The following MMP26 variants were observed in gnomAD, a reference collection of about 807,000 sequenced individuals.
MMP26 encodes matrix metalloproteinase-26.
Under a neutral mutation model 31.0 loss-of-function variants are expected in MMP26, and 33 were observed. The observed-to-expected ratio is 1.06, with a 90% CI of 0.81 to 1.42. The LOEUF (loss-of-function observed/expected upper bound fraction) is 1.42, where lower values mean the gene tolerates loss of function less well. Ranked by LOEUF, MMP26 falls within the 40% of genes most tolerant of loss-of-function variation. The pLI, the probability that MMP26 is intolerant of heterozygous loss-of-function variation, is 0.00. For synonymous variants in MMP26, 122 were observed against 114.9 expected (o/e 1.06, Z -0.40); for missense variants, 347 against 316.1 (o/e 1.10, Z -0.74).
intron 2 of MMP26, among the ~76,000 whole-genome samples, chr11:4,921,361 G>A (rs1529775): frequency 0.025 from 3,873 of 152,236 alleles, 171 homozygotes; most frequent in African/African-American, 0.087. Context: ...AGTGGACTAG[G>A]TTGTAAACAT....
At chr11:4,747,575 G>T (rs1039677193) in intron 1 of MMP26, among the ~76,000 whole-genome samples, 7 of 151,932 alleles carry the variant, frequency 4.6e-5, no homozygotes, top group African/African-American at 1.7e-4. Context: ...TCATTAATGA[G>T]AACTTTTTTT....
chr11:4,772,746 C>A (rs1358919117), intron 2 of MMP26, among the ~76,000 whole-genome samples: 3 of 152,194 alleles, frequency 2.0e-5, no homozygotes, highest in African/African-American at 7.2e-5. Context: ...ATTCTAGGTT[C>A]ATAAGAAAAG....
intron 2 of MMP26, among the ~76,000 whole-genome samples, chr11:4,929,664 T>G (rs76494071): frequency 0.025 from 3,848 of 152,256 alleles, 65 homozygotes; most frequent in Middle Eastern, 0.037. Flanking sequence ...ATAGCTGTTG[T>G]GAGGTTGGCT....
At chr11:4,721,267 C>T (rs1848008583) in intron 1 of MMP26, among the ~76,000 whole-genome samples, 1 of 152,200 alleles carries the variant, frequency 6.6e-6, no homozygotes, top group African/African-American at 2.4e-5. Context: ...CCATCCTGGA[C>T]TGCTGTTAAT....
chr11:4,935,640 T>A (rs1450586300), intron 2 of MMP26, among the ~76,000 whole-genome samples: 1 of 151,864 alleles, frequency 6.6e-6, no homozygotes, highest in Non-Finnish European at 1.5e-5. Flanking sequence ...AGAGAGGGCA[T>A]CCCTGTCTTG....
intron 1 of MMP26, chr11:4,719,503 A>G (rs1373938230): frequency 6.5e-6 from 1 of 153,862 alleles, no homozygotes; most frequent in Admixed American, 6.5e-5. Context: ...CAGTGTGAAG[A>G]CCAAACAGAT....
rs199892939 is a variant in MMP26, at chr11:4,908,248, A to G, written c.-144-79820A>G. The stretch of plus-strand genomic sequence containing the variant: ...TTATGAACCCCATTGTGTACTGTGT[A>G]AAGACTCGACAAATCTGGGAGAAGA... On this transcript the variant is annotated intron_variant, in intron 2 of 7. Coordinates refer to ENST00000380390, the MANE Select transcript of MMP26 (RefSeq NM_021801.5). 3 of 1,614,132 alleles carry G rather than the reference A, an allele frequency of 1.9e-6. No individual in the cohort carries two copies. The African/African-American group carries it at 4.0e-5, about 22-fold the overall frequency.
chr11:4,744,830 T>A (rs1848359289), intron 1 of MMP26, among the ~76,000 whole-genome samples: 1 of 152,134 alleles, frequency 6.6e-6, no homozygotes, highest in Non-Finnish European at 1.5e-5. Context: ...GATATACATA[T>A]ACATTGTGAA....
intron 2 of MMP26, among the ~76,000 whole-genome samples, chr11:4,776,058 A>G (rs1160136365): frequency 6.6e-6 from 1 of 152,064 alleles, no homozygotes; most frequent in Non-Finnish European, 1.5e-5. Context: ...ACTTGACTTT[A>G]TTTCTGAGTT....
rs144190674 is a variant in MMP26 at position 4,930,345 on chromosome 11, T to C, written c.-144-57723T>C. Among the ~76,000 whole-genome samples the C allele has an allele frequency of 1.3e-3, 194 of 152,226 alleles. 2 individuals are homozygous for C. Among genetic ancestry groups the C allele is most frequent in the African/African-American group, 4.4e-3 (184 of 41,546 alleles). ...TGGGTAGCTGACGAATGCTTCAAGG[T>C]ATACCTTGGATATCTGGCTGAAGCC... On this transcript the variant is annotated intron_variant, in intron 2 of 7. Transcript: ENST00000380390.
chr11:4,945,929 T>C, intron 2 of MMP26: 1 of 531,770 alleles, frequency 1.9e-6, no homozygotes, highest in Non-Finnish European at 3.4e-6. Context: ...GTATCGGAGA[T>C]GCTATCATAA....
intron 1 of MMP26, among the ~76,000 whole-genome samples, chr11:4,727,001 C>T (rs377758413): frequency 2.6e-4 from 39 of 151,844 alleles, no homozygotes; most frequent in Non-Finnish European, 4.0e-4. Flanking sequence ...GGGTGAAGAC[C>T]GGGACCCTGT....
intron 2 of MMP26, among the ~76,000 whole-genome samples, chr11:4,895,751 CT>C (rs1445220148): frequency 1.3e-5 from 2 of 152,064 alleles, no homozygotes; most frequent in African/African-American, 2.4e-5. Context: ...TAGGGAGACC[CT>C]ATCTCTACAA....
chr11:4,865,099 T>A (rs2133518917), intron 2 of MMP26, among the ~76,000 whole-genome samples: 1 of 152,222 alleles, frequency 6.6e-6, no homozygotes, highest in Non-Finnish European at 1.5e-5. Flanking sequence ...TCAGCATTTA[T>A]ACAATCAAAT....
chr11:4,901,237 C>A (rs368478294), intron 2 of MMP26, among the ~76,000 whole-genome samples: 8 of 143,518 alleles, frequency 5.6e-5, no homozygotes, highest in African/African-American at 2.1e-4. Context: ...CCGCTCACTG[C>A]AAGCTCTGCC....
chr11:4,980,943 C>T (rs1846804472), intron 2 of MMP26, among the ~76,000 whole-genome samples: 1 of 151,814 alleles, frequency 6.6e-6, no homozygotes, highest in Admixed American at 6.6e-5. Context: ...AAGGACAGGA[C>T]TTAAGGGGCT....
At chr11:4,783,801 G>C (rs1194703210) in intron 2 of MMP26, among the ~76,000 whole-genome samples, 3 of 152,242 alleles carry the variant, frequency 2.0e-5, no homozygotes, top group Admixed American at 2.0e-4. Flanking sequence ...CTGATGGTTT[G>C]ATAAGGGGCA....
At chr11:4,816,861 G>A (rs1016884093) in intron 2 of MMP26, among the ~76,000 whole-genome samples, 4 of 123,214 alleles carry the variant, frequency 3.2e-5, no homozygotes, top group Admixed American at 8.1e-5. Context: ...CCGCCACCAC[G>A]CCCGGCTAAT....
At chr11:4,770,340 C>G (rs187651120) in intron 2 of MMP26, among the ~76,000 whole-genome samples, 40 of 152,242 alleles carry the variant, frequency 2.6e-4, no homozygotes, top group African/African-American at 9.4e-4. Context: ...CTTCAGTGAC[C>G]ATAAGGGTAT....
Sources: gnomAD v4.1 joint callset for allele counts (sites outside exome capture counted in the v4.1 genomes callset) on GRCh38, gnomAD v4.1.1 for gene constraint, MANE v1.5 for transcripts, NCBI Gene and HGNC (gene_info 2026-07-23, HGNC 2026-07-21) for gene names.